The following ZNF827 variants were observed in gnomAD, a reference collection of about 807,000 sequenced individuals.
The protein encoded by ZNF827 is zinc finger protein 827.
ZNF827 carries 13 observed loss-of-function variants against 102.4 expected under a neutral mutation model. The ratio of observed to expected loss-of-function variants is 0.13; its 90% CI spans 0.08 to 0.20. The LOEUF is 0.20. Among genes scored for constraint, ZNF827 ranks in the 10% least tolerant of loss-of-function variants. The pLI is 1.00. For missense variants in ZNF827, 1,103 were observed against 1,344.4 expected (o/e 0.82, Z 2.81); for synonymous variants, 523 against 536.2 (o/e 0.98, Z 0.34).
chr4:145,906,360 T>C (rs559517357), intron 1 of ZNF827, among the ~76,000 whole-genome samples: 2 of 152,358 alleles, frequency 1.3e-5, no homozygotes, highest in South Asian at 4.1e-4. Context: ...TTGAGATAAA[T>C]CATTAAGAGG....
intron 1 of ZNF827, among the ~76,000 whole-genome samples, chr4:145,906,189 T>C (rs953546957): frequency 6.6e-6 from 1 of 151,892 alleles, no homozygotes; most frequent in Admixed American, 6.6e-5. Context: ...CTCTGCAAGG[T>C]TCCACTGCAC....
intron 8 of ZNF827, among the ~76,000 whole-genome samples, chr4:145,808,865 T>C (rs906878222): frequency 2.4e-4 from 36 of 152,194 alleles, no homozygotes; most frequent in Middle Eastern, 3.2e-3. Context: ...CTTGATCTTA[T>C]TAATAGCTCA....
chr4:145,902,270 G>A lies in ZNF827; in HGVS notation c.989C>T (p.Pro330Leu). ...SEKKPEKVTP[P>L]PPPPPPPPPP... ...AGGTGGTGGAGGTGGCGGTGGAGGT[G>A]GCGGAGTGACTTTTTCTGGTTTCTT... Residue 330 changes from proline to leucine, a missense_variant, in exon 2 of 15, where the codon CCA becomes CTA. Around this residue, in one of 5 missense-constraint regions of ZNF827, gnomAD observed 441 missense variants for 458.6 expected, o/e 0.96. Coordinates refer to ENST00000508784, the MANE Select transcript of ZNF827 (RefSeq NM_001306215.2). The surrounding 1 kb of genome is among the most constrained non-coding windows in gnomAD (Gnocchi z 4.3). The A allele has an allele frequency of 6.3e-7, 1 of 1,590,756 alleles. No individual in the cohort carries two copies. Among genetic ancestry groups the A allele is most frequent in the Non-Finnish European group, 8.5e-7 (1 of 1,170,558 alleles).
intron 1 of ZNF827, among the ~76,000 whole-genome samples, chr4:145,919,217 C>T (rs1752892623): frequency 1.3e-5 from 2 of 152,164 alleles, no homozygotes; most frequent in African/African-American, 2.4e-5. Context: ...CACAACTGCA[C>T]TCCAGCCTGG....
chr4:145,882,015 T>C (rs1749709913), intron 4 of ZNF827, among the ~76,000 whole-genome samples: 1 of 152,216 alleles, frequency 6.6e-6, no homozygotes, highest in Admixed American at 6.5e-5. Context: ...AATCATAATT[T>C]CTGGGCCCTG....
chr4:145,790,141 A>G (rs1739465451), intron 8 of ZNF827, among the ~76,000 whole-genome samples: 1 of 152,258 alleles, frequency 6.6e-6, no homozygotes, highest in Non-Finnish European at 1.5e-5. Context: ...TAAAGACTGT[A>G]TTAGGTGACA....
chr4:145,871,691 C>G (rs369804949), intron 4 of ZNF827, among the ~76,000 whole-genome samples: 3 of 152,168 alleles, frequency 2.0e-5, no homozygotes, highest in Non-Finnish European at 4.4e-5. Context: ...AATAAATCCC[C>G]GAAGCAAACA....
At chr4:145,887,431 C>A (rs543189977) in intron 3 of ZNF827, among the ~76,000 whole-genome samples, 1 of 152,208 alleles carries the variant, frequency 6.6e-6, no homozygotes, top group South Asian at 2.1e-4. Context: ...CCAACAAAAG[C>A]AAAGAAATTA....
chr4:145,868,289 A>T (rs979739308), intron 5 of ZNF827, among the ~76,000 whole-genome samples: 1 of 152,220 alleles, frequency 6.6e-6, no homozygotes, highest in African/African-American at 2.4e-5. Context: ...ACCGCATCTA[A>T]GGGTCAGGGC....
At chr4:145,838,399 C>G (rs998491666) in intron 7 of ZNF827, among the ~76,000 whole-genome samples, 1 of 152,192 alleles carries the variant, frequency 6.6e-6, no homozygotes, top group African/African-American at 2.4e-5. Context: ...TAACTCCCTT[C>G]GCTGACTCTT....
intron 1 of ZNF827, among the ~76,000 whole-genome samples, chr4:145,926,045 T>G (rs1753395676): frequency 6.6e-6 from 1 of 152,262 alleles, no homozygotes; most frequent in African/African-American, 2.4e-5. Flanking sequence ...AAGCTGAATT[T>G]TAATTATTTG....
At chr4:145,838,494 C>G (rs901895423) in intron 7 of ZNF827, among the ~76,000 whole-genome samples, 8 of 152,114 alleles carry the variant, frequency 5.3e-5, no homozygotes, top group African/African-American at 1.9e-4. Flanking sequence ...TTCACAGGGA[C>G]GCGCATGAAA....
intron 4 of ZNF827, among the ~76,000 whole-genome samples, chr4:145,875,078 C>T (rs1749042110): frequency 1.3e-5 from 2 of 152,088 alleles, no homozygotes; most frequent in Admixed American, 1.3e-4. Flanking sequence ...CTAGAAAATA[C>T]TATATATTTT....
At chr4:145,766,742 G>C (rs147708745) in intron 11 of ZNF827, among the ~76,000 whole-genome samples, 271 of 152,324 alleles carry the variant, frequency 1.8e-3, no homozygotes, top group African/African-American at 6.3e-3. Flanking sequence ...AAAGCTTAGA[G>C]AACAGTGCCC....
At chr4:145,847,415 C>G (rs79429306) in intron 6 of ZNF827, among the ~76,000 whole-genome samples, 1 of 152,164 alleles carries the variant, frequency 6.6e-6, no homozygotes, top group Admixed American at 6.5e-5. Flanking sequence ...TGATGACAAC[C>G]TTTAAGCATT....
chr4:145,838,181 G>A (rs575820106), intron 7 of ZNF827, among the ~76,000 whole-genome samples: 2 of 152,202 alleles, frequency 1.3e-5, no homozygotes, highest in South Asian at 4.2e-4. Context: ...CTTAACTGAT[G>A]ACATTCCACC....
chr4:145,857,130 G>A (rs11936932), intron 5 of ZNF827, among the ~76,000 whole-genome samples: 1 of 152,118 alleles, frequency 6.6e-6, no homozygotes, highest in African/African-American at 2.4e-5. Context: ...TGGAAATTTA[G>A]GAAGGAAAAT....
intron 8 of ZNF827, among the ~76,000 whole-genome samples, chr4:145,808,112 A>G (rs1183825941): frequency 6.6e-6 from 1 of 150,910 alleles, no homozygotes; most frequent in Non-Finnish European, 1.5e-5. Flanking sequence ...GCAAGTGACT[A>G]TACAGTACAT....
At chr4:145,774,052 C>A (rs1382451918) in intron 11 of ZNF827, among the ~76,000 whole-genome samples, 1 of 152,144 alleles carries the variant, frequency 6.6e-6, no homozygotes, top group African/African-American at 2.4e-5. Context: ...ACCACAGCAA[C>A]CCCTAGTTGC....
Sources: allele counts gnomAD v4.1 joint callset (sites outside exome capture counted in the v4.1 genomes callset), GRCh38; gene constraint gnomAD v4.1.1; regional missense constraint gnomAD v4.1.1; non-coding constraint Gnocchi (gnomAD v3.1); transcripts MANE v1.5; gene names NCBI Gene and HGNC (gene_info 2026-07-23, HGNC 2026-07-21).